Variants in CAMTA1 observed in about 807,000 individuals in gnomAD.
CAMTA1 encodes the protein calmodulin-binding transcription activator 1.
Under a neutral mutation model 170.9 loss-of-function variants are expected in CAMTA1, and 27 were observed. The observed-to-expected ratio is 0.16, with a 90% CI of 0.12 to 0.22. The LOEUF is 0.22. CAMTA1 is among the 10% of genes least tolerant of loss of function. The pLI, the probability that CAMTA1 is intolerant of heterozygous loss-of-function variation, is 1.00. For synonymous variants in CAMTA1, 833 were observed against 891.5 expected, an observed-to-expected ratio of 0.93 and a Z score of 1.17; for missense variants, 1,619 against 2,217.2, an observed-to-expected ratio of 0.73 and a Z score of 5.42.
intron 6 of CAMTA1, among the ~76,000 whole-genome samples, chr1:7,542,323 A>G (rs1422671554): frequency 6.6e-6 from 1 of 151,946 alleles, no homozygotes; most frequent in Non-Finnish European, 1.5e-5. Flanking sequence ...TTCTTTTCAC[A>G]AAGTTGATAA....
chr1:7,043,702 GT>G lies in CAMTA1; in HGVS notation c.235-47600del, dbSNP rs1704860786. The stretch of plus-strand genomic sequence containing the variant: ...CCTTTATTAGCAGTGGCTCCTGAAG[GT>G]TGGTTCCAGGGAAGCTGTTTTCGTC... On this transcript the variant is annotated intron_variant, in intron 3 of 22. Transcript: ENST00000303635. Among the ~76,000 whole-genome samples the G allele has an allele frequency of 2.0e-4, 30 of 152,276 alleles. 2 individuals are homozygous for G. The South Asian group carries it at 6.0e-3, about 31-fold the overall frequency.
Position 7,178,907 on chromosome 1 carries a change from T to TC in CAMTA1, c.303-70583dup, listed in dbSNP as rs769603312. On this transcript the variant is annotated intron_variant, in intron 4 of 22. Coordinates refer to ENST00000303635, the MANE Select transcript of CAMTA1 (RefSeq NM_015215.4). ...ACACGATTGGATTGGAAGCATCCAT[T>TC]CTCAGCCACAGCAGGTTGCTTGGCA... Among the ~76,000 whole-genome samples the TC allele has an allele frequency of 6.6e-5, 10 of 152,366 alleles. No individual in the cohort carries two copies. In the East Asian group the frequency reaches 1.5e-3, roughly 23 times the overall value.
intron 6 of CAMTA1, among the ~76,000 whole-genome samples, chr1:7,571,773 A>G (rs189841684): frequency 2.0e-4 from 31 of 152,256 alleles, no homozygotes; most frequent in Non-Finnish European, 4.0e-4. Flanking sequence ...TGTCTTTGCT[A>G]TTGTGAATAG....
chr1:7,153,132 G>T (rs1302344601), intron 4 of CAMTA1, among the ~76,000 whole-genome samples: 1 of 152,190 alleles, frequency 6.6e-6, no homozygotes, highest in African/African-American at 2.4e-5. Context: ...CATTGTGAGA[G>T]ATGCATAATG....
rs1189967127 is a variant in CAMTA1 at position 7,612,847 on chromosome 1, G to A, written c.511-27553G>A. ...TTAAGAGGGCATTTCAAAGAAAAAGGTTTGGGTGAGAGGAAGGCGGTGGGA... is the reference window on the plus strand; with the variant it reads ...TTAAGAGGGCATTTCAAAGAAAAAGATTTGGGTGAGAGGAAGGCGGTGGGA... On this transcript the variant is annotated intron_variant, in intron 6 of 22. Coordinates refer to ENST00000303635, the MANE Select transcript of CAMTA1 (RefSeq NM_015215.4). Among the ~76,000 whole-genome samples, 6 of 152,338 alleles carry A rather than the reference G, an allele frequency of 3.9e-5. No homozygotes were observed. In the South Asian group the frequency reaches 8.3e-4, roughly 21 times the overall value.
At chr1:7,576,029 GAC>G (rs964114635) in intron 6 of CAMTA1, among the ~76,000 whole-genome samples, 1 of 152,074 alleles carries the variant, frequency 6.6e-6, no homozygotes, top group Non-Finnish European at 1.5e-5. Flanking sequence ...TTGTTTTTGA[GAC>G]AGAGTCTTGC....
intron 5 of CAMTA1, among the ~76,000 whole-genome samples, chr1:7,335,889 G>A (rs2083353051): frequency 6.6e-6 from 1 of 152,156 alleles, no homozygotes; most frequent in Non-Finnish European, 1.5e-5. Context: ...ATTGATGGTG[G>A]GGAAGAGAGC....
intron 4 of CAMTA1, among the ~76,000 whole-genome samples, chr1:7,099,628 G>A (rs990439716): frequency 2.0e-5 from 3 of 152,156 alleles, no homozygotes; most frequent in Admixed American, 1.3e-4. Context: ...CCACTGCCTG[G>A]CTCTTCCTTA....
chr1:7,055,526 A>G (rs1013404214), intron 3 of CAMTA1, among the ~76,000 whole-genome samples: 2 of 152,226 alleles, frequency 1.3e-5, no homozygotes, highest in Admixed American at 6.5e-5. Context: ...TACACGTGTT[A>G]GACTGTTGTT....
At chr1:7,661,235 G>T (rs1323841766) in intron 7 of CAMTA1, among the ~76,000 whole-genome samples, 1 of 152,126 alleles carries the variant, frequency 6.6e-6, no homozygotes, top group Non-Finnish European at 1.5e-5. Flanking sequence ...TTACCCCCCA[G>T]GGTGGGGCCA....
chr1:7,230,449 C>CCCCCG (rs1467567662), intron 4 of CAMTA1, among the ~76,000 whole-genome samples: 2 of 115,682 alleles, frequency 1.7e-5, no homozygotes, highest in Non-Finnish European at 3.7e-5. Flanking sequence ...CCCCCCGCCC[C>CCCCCG]GCAAAGCTCT....
intron 3 of CAMTA1, among the ~76,000 whole-genome samples, chr1:6,885,589 C>T (rs901685370): frequency 4.6e-5 from 7 of 152,184 alleles, no homozygotes; most frequent in African/African-American, 1.4e-4. Flanking sequence ...CCCCATCCCT[C>T]GTCTTCAGGC....
intron 1 of CAMTA1, among the ~76,000 whole-genome samples, chr1:6,813,350 AAATT>A (rs1276354075): frequency 2.6e-5 from 4 of 152,034 alleles, no homozygotes; most frequent in Non-Finnish European, 5.9e-5. Context: ...TATTATTAAT[AAATT>A]GATATTTCAT....
chr1:6,902,236 T>G (rs1677267603), intron 3 of CAMTA1, among the ~76,000 whole-genome samples: 1 of 152,188 alleles, frequency 6.6e-6, no homozygotes, highest in Non-Finnish European at 1.5e-5. Context: ...GGTATTTACC[T>G]AAGAGAATAT....
intron 6 of CAMTA1, among the ~76,000 whole-genome samples, chr1:7,614,264 T>C (rs923674894): frequency 1.3e-5 from 2 of 152,080 alleles, no homozygotes; most frequent in Admixed American, 1.3e-4. Context: ...TCCCAGAGCC[T>C]GAGCTGGCCT....
chr1:7,190,157 G>A (rs1654240239), intron 4 of CAMTA1, among the ~76,000 whole-genome samples: 1 of 152,288 alleles, frequency 6.6e-6, no homozygotes, highest in African/African-American at 2.4e-5. Flanking sequence ...GGTGAGGGAT[G>A]AAAGACTACA....
At chr1:7,056,120 A>T (rs2101673485) in intron 3 of CAMTA1, among the ~76,000 whole-genome samples, 1 of 152,260 alleles carries the variant, frequency 6.6e-6, no homozygotes, top group Non-Finnish European at 1.5e-5. Flanking sequence ...GTGGGAGATG[A>T]ACTTATAATC....
intron 4 of CAMTA1, among the ~76,000 whole-genome samples, chr1:7,154,900 C>T (rs1202415918): frequency 6.6e-6 from 1 of 152,168 alleles, no homozygotes; most frequent in Non-Finnish European, 1.5e-5. Context: ...CTGCAGAGCC[C>T]CTCCCCACTC....
chr1:7,617,989 C>T (rs772334653), intron 6 of CAMTA1, among the ~76,000 whole-genome samples: 14 of 152,162 alleles, frequency 9.2e-5, no homozygotes, highest in Non-Finnish European at 1.5e-4. Flanking sequence ...CAAGAAGTCA[C>T]CCCTGTACCA....
Sources: allele counts gnomAD v4.1 joint callset (sites outside exome capture counted in the v4.1 genomes callset), GRCh38; gene constraint gnomAD v4.1.1; transcripts MANE v1.5; gene names NCBI Gene and HGNC (gene_info 2026-07-23, HGNC 2026-07-21).